Variants in PSPC1 observed in about 807,000 individuals in gnomAD.
The protein encoded by PSPC1 is paraspeckle component 1, also known as paraspeckle protein 1.
Under a neutral mutation model 51.6 loss-of-function variants are expected in PSPC1, and 14 were observed. The ratio of observed to expected loss-of-function variants is 0.27; its 90% CI spans 0.18 to 0.42. The LOEUF (loss-of-function observed/expected upper bound fraction) is 0.42, where lower values mean the gene tolerates loss of function less well. Among genes scored for constraint, PSPC1 ranks in the 10% least tolerant of loss-of-function variants. PSPC1 has a pLI of 1.00. For synonymous variants in PSPC1, 193 were observed against 231.9 expected (o/e 0.83, Z 1.53); for missense variants, 406 against 701.1 (o/e 0.58, Z 4.75).
downstream of PSPC1, chr13:19,672,283 T>TA (rs1416707165): frequency 2.4e-5 from 4 of 167,472 alleles, no homozygotes; most frequent in African/African-American, 9.5e-5. Context: ...TAGCTGGGAT[T>TA]ACAGACACCC....
downstream of PSPC1, among the ~76,000 whole-genome samples, chr13:19,701,367 A>G (rs1426353652): frequency 6.6e-6 from 1 of 151,232 alleles, no homozygotes; most frequent in Non-Finnish European, 1.5e-5. Flanking sequence ...TCACTGAAAA[A>G]CTGTAATCAA....
rs74035407 is a variant in PSPC1 at position 19,720,958 on chromosome 13, A to G, written c.1158+9281T>C. Among the ~76,000 whole-genome samples the G allele has an allele frequency of 6.2e-3, 940 of 152,278 alleles. 14 individuals carry two copies. Among genetic ancestry groups the G allele is most frequent in the African/African-American group, 0.021 (863 of 41,584 alleles). Reference sequence around the variant, plus strand: ...ATAATAATTACCAATCTAACTCATAACTGCATCTCATCAGATGCTTACAAA... The same window carrying G: ...ATAATAATTACCAATCTAACTCATAGCTGCATCTCATCAGATGCTTACAAA... On this transcript the variant is annotated intron_variant, in intron 6 of 8. Coordinates refer to ENST00000338910, the MANE Select transcript of PSPC1 (RefSeq NM_001354909.2).
intron 3 of PSPC1, among the ~76,000 whole-genome samples, chr13:19,758,442 G>A (rs1446489499): frequency 1.3e-5 from 2 of 152,124 alleles, no homozygotes; most frequent in African/African-American, 4.8e-5. Flanking sequence ...TTTTTCCGCT[G>A]TGCCAGGTTA....
intron 5 of PSPC1, among the ~76,000 whole-genome samples, chr13:19,731,093 T>G (rs1884052114): frequency 6.7e-6 from 1 of 150,030 alleles, no homozygotes; most frequent in Non-Finnish European, 1.5e-5. Flanking sequence ...TAGACAAAAA[T>G]CCTATTTCCA....
intron 6 of PSPC1, among the ~76,000 whole-genome samples, chr13:19,712,405 T>C (rs1398676247): frequency 1.3e-5 from 2 of 152,338 alleles, no homozygotes; most frequent in East Asian, 1.9e-4. Flanking sequence ...TCTTTTTTAT[T>C]GTCTCTTTGT....
At chr13:19,759,875 A>AC (rs1274667546) in intron 2 of PSPC1, among the ~76,000 whole-genome samples, 1 of 151,678 alleles carries the variant, frequency 6.6e-6, no homozygotes, top group Admixed American at 6.6e-5. Context: ...AAAAAAAAAA[A>AC]ATCAGTCAAT....
chr13:19,745,732 G>A (rs1162040972), intron 4 of PSPC1, among the ~76,000 whole-genome samples: 2 of 150,374 alleles, frequency 1.3e-5, no homozygotes, highest in Non-Finnish European at 2.9e-5. Context: ...CAATTCTCCC[G>A]CCTCAGCCTC....
At position 19,782,204 on chromosome 13, in the gene PSPC1, G is replaced by C. The variant is rs1048525274; in HGVS notation, c.372+182C>G. 6.6e-5 allele frequency among the ~76,000 whole-genome samples: 10 copies of C among 152,188 alleles called. No homozygotes were observed. The highest frequency in any genetic ancestry group is 1.5e-4 in the Non-Finnish European group (10 of 68,040). On this transcript the variant is annotated intron_variant, in intron 1 of 8. Coordinates refer to ENST00000338910, the MANE Select transcript of PSPC1 (RefSeq NM_001354909.2). The surrounding 1 kb of genome is among the most constrained non-coding windows in gnomAD (Gnocchi z 4.5). Reference sequence around the variant, plus strand: ...CAGGAAATCCCGGGACCGTGAACTCGAAACCAAAGGCGCCGAGCTGGGGAA... The same window carrying C: ...CAGGAAATCCCGGGACCGTGAACTCCAAACCAAAGGCGCCGAGCTGGGGAA...
At chr13:19,673,336 A>G, downstream of PSPC1, 1 of 298,638 alleles carries the variant, frequency 3.3e-6, no homozygotes, top group Non-Finnish European at 6.7e-6. Flanking sequence ...TTTTAATGAA[A>G]ACTTTTCAGA....
Sources: allele counts gnomAD v4.1 joint callset (sites outside exome capture counted in the v4.1 genomes callset), GRCh38; gene constraint gnomAD v4.1.1; non-coding constraint Gnocchi (gnomAD v3.1); transcripts MANE v1.5; gene names NCBI Gene and HGNC (gene_info 2026-07-23, HGNC 2026-07-21).